Variants in NEK10 observed in about 807,000 individuals in gnomAD.
NEK10 encodes the protein NIMA related kinase 10, also known as serine/threonine-protein kinase Nek10.
Under a neutral mutation model 159.8 loss-of-function variants are expected in NEK10, and 122 were observed. The ratio of observed to expected loss-of-function variants is 0.76; its 90% CI spans 0.66 to 0.89. NEK10 has a LOEUF of 0.89. NEK10 is among the 40% of genes least tolerant of loss of function. The pLI is 0.00. For synonymous variants in NEK10, 466 were observed against 457.1 expected, an observed-to-expected ratio of 1.02 and a Z score of -0.25; for missense variants, 1,342 against 1,323.1, an observed-to-expected ratio of 1.01 and a Z score of -0.22.
Position 27,109,651 on chromosome 3 carries a change from T to C in NEK10, c.*1621A>G, listed in dbSNP as rs1328051070. Among the ~76,000 whole-genome samples, 1 of 152,196 alleles carries C rather than the reference T, an allele frequency of 6.6e-6. No homozygotes were observed. The highest frequency in any genetic ancestry group is 1.5e-5 in the Non-Finnish European group (1 of 68,028). ...ATGAAGAAGAAATGTGCCCCTTTCA[T>C]ACACTGAAAGATAAAAAGAATTATA... On this transcript the variant is annotated 3_prime_UTR_variant, in exon 36 of 36. Coordinates refer to ENST00000691995, the MANE Select transcript of NEK10 (RefSeq NM_001394966.1).
chr3:27,189,420 T>C (rs1248313837), intron 26 of NEK10, among the ~76,000 whole-genome samples: 2 of 152,104 alleles, frequency 1.3e-5, no homozygotes, highest in Non-Finnish European at 2.9e-5. Context: ...CCCTTATTGA[T>C]ATTGGGAATT....
intron 5 of NEK10, among the ~76,000 whole-genome samples, chr3:27,341,195 G>A (rs1378203513): frequency 6.6e-6 from 1 of 152,132 alleles, no homozygotes; most frequent in Non-Finnish European, 1.5e-5. Flanking sequence ...CCAGAGTCCA[G>A]GAAGGGTGGG....
chr3:27,202,542 C>T lies in NEK10; in HGVS notation c.2106G>A (p.Lys702=), dbSNP rs753966471. Residue 702 remains lysine, a synonymous_variant, in exon 24 of 36, where the codon AAG becomes AAA. Coordinates refer to ENST00000691995, the MANE Select transcript of NEK10 (RefSeq NM_001394966.1). ...TILYSCPEVL[K]SEPYGEKADV... ...CAGCCTTCTCCCCATACGGCTCACT[C>T]TTCAGTACCTCGGGGCTGAAGTAAA... 6 of 1,609,126 alleles carry T rather than the reference C, an allele frequency of 3.7e-6. No homozygotes were observed. Among genetic ancestry groups the T allele is most frequent in the South Asian group, 2.2e-5 (2 of 90,156 alleles).
chr3:27,312,246 T>C, intron 7 of NEK10, 69 bp from the exon 8 acceptor site: 2 of 819,394 alleles, frequency 2.4e-6, no homozygotes, highest in Non-Finnish European at 3.8e-6. Flanking sequence ...AGGAACAAGA[T>C]GCTGCAGTTC....
rs144616399 is a variant in NEK10, at chr3:27,199,991, G to C, written c.2291+1519C>G. Among the ~76,000 whole-genome samples, 448 of 152,208 alleles carry C rather than the reference G, an allele frequency of 2.9e-3. 4 individuals carry two copies. Among genetic ancestry groups the C allele is most frequent in the African/African-American group, 9.2e-3 (380 of 41,530 alleles). On this transcript the variant is annotated intron_variant, in intron 25 of 35. Coordinates refer to ENST00000691995, the MANE Select transcript of NEK10 (RefSeq NM_001394966.1). ...AGGGCAGGAGGAAGGAGAGCATCAG[G>C]AAAAATAGCTATTGGGCACTAGGCT... is the stretch of plus-strand genomic sequence containing the variant.
chr3:27,202,083 G>A (rs559699817), intron 24 of NEK10, among the ~76,000 whole-genome samples: 26 of 152,210 alleles, frequency 1.7e-4, no homozygotes, highest in Non-Finnish European at 2.9e-4. Context: ...CCCAGGAGGC[G>A]GAGGTTGCAG....
At chr3:27,265,963 C>G (rs150298771) in intron 22 of NEK10, among the ~76,000 whole-genome samples, 1,594 of 151,972 alleles carry the variant, frequency 0.01, 18 homozygotes, top group Non-Finnish European at 0.017. Context: ...TCCGCCACCA[C>G]GCCCGGCTAA....
intron 29 of NEK10, among the ~76,000 whole-genome samples, chr3:27,167,612 T>G (rs77992943): frequency 2.0e-5 from 3 of 152,184 alleles, no homozygotes; most frequent in East Asian, 3.9e-4. Flanking sequence ...GGTCAGCCTA[T>G]GAAACTCGCA....
At chr3:27,346,828 T>A (rs1344436653) in intron 3 of NEK10, among the ~76,000 whole-genome samples, 1 of 152,246 alleles carries the variant, frequency 6.6e-6, no homozygotes, top group Non-Finnish European at 1.5e-5. Flanking sequence ...CAATCATATT[T>A]ATAAAAGACA....
intron 24 of NEK10, 148 bp downstream of exon 24, chr3:27,202,280 C>A (rs9818746): frequency 5.7e-5 from 31 of 547,584 alleles, no homozygotes; most frequent in Admixed American, 2.0e-4. Flanking sequence ...TAGAAGAAAG[C>A]GGAAAAAATA....
chr3:27,276,979 C>A (rs1259993126), intron 22 of NEK10, among the ~76,000 whole-genome samples: 2 of 152,192 alleles, frequency 1.3e-5, no homozygotes, highest in Non-Finnish European at 2.9e-5. Context: ...GGAGTAGTCA[C>A]ATGACTTGGT....
intron 30 of NEK10, among the ~76,000 whole-genome samples, chr3:27,150,646 G>T (rs1176369677): frequency 6.6e-6 from 1 of 152,188 alleles, no homozygotes; most frequent in East Asian, 1.9e-4. Context: ...GAGCTGTGAT[G>T]AGAAGGTACA....
intron 23 of NEK10, among the ~76,000 whole-genome samples, chr3:27,208,961 T>A (rs1196155290): frequency 6.6e-6 from 1 of 152,142 alleles, no homozygotes; most frequent in Non-Finnish European, 1.5e-5. Flanking sequence ...ACAAACCTCT[T>A]ACAGAGAGAC....
chr3:27,200,306 G>C (rs1302070587), intron 25 of NEK10, among the ~76,000 whole-genome samples: 6 of 152,118 alleles, frequency 3.9e-5, no homozygotes, highest in Non-Finnish European at 8.8e-5. Flanking sequence ...ATGGGGCTAA[G>C]TGCTAGTATA....
At chr3:27,353,377 T>C (rs1433161024) in intron 1 of NEK10, among the ~76,000 whole-genome samples, 1 of 152,144 alleles carries the variant, frequency 6.6e-6, no homozygotes, top group East Asian at 1.9e-4. Context: ...TGTTCAGGCA[T>C]GAAAAAGTAT....
At chr3:27,350,420 T>C (rs559752046) in intron 3 of NEK10, among the ~76,000 whole-genome samples, 1 of 152,236 alleles carries the variant, frequency 6.6e-6, no homozygotes, top group East Asian at 1.9e-4. Context: ...ATATCTTCCC[T>C]CCCTATAAAT....
At chr3:27,319,740 A>G (rs2045479966) in intron 6 of NEK10, among the ~76,000 whole-genome samples, 1 of 142,762 alleles carries the variant, frequency 7.0e-6, no homozygotes, top group Non-Finnish European at 1.6e-5. Context: ...TGAGGGAAGT[A>G]GAGTTGCGGG....
intron 19 of NEK10, among the ~76,000 whole-genome samples, chr3:27,288,596 C>T (rs927586773): frequency 6.6e-6 from 1 of 152,148 alleles, no homozygotes; most frequent in African/African-American, 2.4e-5. Context: ...AGTTTGACTT[C>T]TATTGCAATA....
intron 31 of NEK10, among the ~76,000 whole-genome samples, chr3:27,140,509 T>C (rs1943677887): frequency 1.3e-5 from 2 of 152,252 alleles, no homozygotes; most frequent in South Asian, 2.1e-4. Context: ...TAGAGTCTTA[T>C]CATGTTACTG....
Sources: gnomAD v4.1 joint callset for allele counts (sites outside exome capture counted in the v4.1 genomes callset) on GRCh38, gnomAD v4.1.1 for gene constraint, MANE v1.5 for transcripts, NCBI Gene and HGNC (gene_info 2026-07-23, HGNC 2026-07-21) for gene names.